Variants in FASN observed in about 807,000 individuals in gnomAD.
FASN encodes 3-hydroxyacyl-[acyl-carrier-protein] dehydratase.
FASN carries 50 observed loss-of-function variants against 250.0 expected under a neutral mutation model. The ratio of observed to expected loss-of-function variants is 0.20; its 90% CI spans 0.16 to 0.25. The LOEUF (loss-of-function observed/expected upper bound fraction) is 0.25. Among genes scored for constraint, FASN ranks in the 10% least tolerant of loss-of-function variants. The pLI is 1.00. For synonymous variants in FASN, 1,909 were observed against 1,584.0 expected, an observed-to-expected ratio of 1.21 and a Z score of -4.87; for missense variants, 3,031 against 3,498.5, an observed-to-expected ratio of 0.87 and a Z score of 3.37.
In FASN at chr17:82,087,379, T is replaced by C. The variant is rs141517558; in HGVS notation, c.3169A>G (p.Ile1057Val). 3.5e-5 allele frequency: 57 copies of C among 1,612,588 alleles called. No homozygotes were observed. Among genetic ancestry groups the C allele is most frequent in the Non-Finnish European group, 4.4e-5 (52 of 1,179,986 alleles). Residue 1057 changes from isoleucine (I) to valine (V), a missense_variant, in exon 20 of 43, where the codon ATC becomes GTC. Ile to Val is a conservative substitution (Grantham distance 29). Coordinates refer to ENST00000306749, the MANE Select transcript of FASN (RefSeq NM_004104.5). Reference sequence around the variant, plus strand: ...TTCTGCCTGTGGGTGGCAGGGTCGATGTGGATGGCGGTGACACGGGTGGGC... The same window carrying C: ...TTCTGCCTGTGGGTGGCAGGGTCGACGTGGATGGCGGTGACACGGGTGGGC... ...YLPTRVTAIHIDPATHRQKLY... is the reference protein window; with the variant it reads ...YLPTRVTAIHVDPATHRQKLY...
Position 82,092,466 on chromosome 17 carries a change from C to A in FASN, c.1018G>T (p.Ala340Ser), listed in dbSNP as rs1469173192. The A allele has an allele frequency of 1.9e-6, 3 of 1,576,050 alleles. No individual in the cohort carries two copies. Among genetic ancestry groups the A allele is most frequent in the Non-Finnish European group, 2.6e-6 (3 of 1,163,772 alleles). The change falls in exon 8 of 43, where the codon GCC (alanine) becomes TCC (serine). Residue 340 changes from alanine (A) to serine (S), a missense_variant. Coordinates refer to ENST00000306749, the MANE Select transcript of FASN (RefSeq NM_004104.5). ...CCAGCCCCACCTACCTTGGCCAGGG[C>A]TGCCAGCCCCGAGGCTGGCTCCGGG... Reference protein sequence around the residue: ...GHPEPASGLAALAKVLLSLEH... With the variant: ...GHPEPASGLASLAKVLLSLEH...
chr17:82,079,684 C>CA (rs2033953654), intron 41 of FASN, 76 bp from the exon 42 acceptor site: 8 of 1,230,924 alleles, frequency 6.5e-6, no homozygotes, highest in East Asian at 3.1e-5. Flanking sequence ...TGCGGGTGGG[C>CA]TTTTTTTTTT....
intron 31 of FASN, 25 bp downstream of exon 31, chr17:82,083,492 C>G: frequency 6.2e-7 from 1 of 1,612,772 alleles, no homozygotes; most frequent in Non-Finnish European, 8.5e-7. Flanking sequence ...CATGCCCACC[C>G]CCGCCCAGGC....
intron 40 of FASN, 45 bp downstream of exon 40, chr17:82,080,325 G>A (rs1390292453): frequency 9.9e-6 from 16 of 1,609,312 alleles, no homozygotes; most frequent in Non-Finnish European, 1.3e-5. Flanking sequence ...CAGGTGGGGA[G>A]CCCAGACGTT....
At position 82,096,448 on chromosome 17, in the gene FASN, C is replaced by CT; in HGVS notation, c.-4dup. On this transcript the variant is annotated 5_prime_UTR_variant, in exon 2 of 43. Coordinates refer to ENST00000306749, the MANE Select transcript of FASN (RefSeq NM_004104.5). The stretch of plus-strand genomic sequence containing the variant: ...CCGGCAATCACCACCTCCTCCATGG[C>CT]TGCTCTGCAGGGCGGGCGGTGTGAG... The CT allele has an allele frequency of 6.2e-7, 1 of 1,611,742 alleles. No homozygotes were observed. The highest frequency in any genetic ancestry group is 8.5e-7 in the Non-Finnish European group (1 of 1,179,974).
intron 10 of FASN, 143 bp downstream of exon 10, chr17:82,090,739 C>A: frequency 8.9e-7 from 1 of 1,119,260 alleles, no homozygotes. Flanking sequence ...CCCTCCTCCC[C>A]TCCCGTCCTG....
chr17:82,087,162 C>T lies in FASN; in HGVS notation c.3315G>A (p.Arg1105=). The T allele has an allele frequency of 6.2e-7, 1 of 1,610,120 alleles. No homozygotes were observed. Among genetic ancestry groups the T allele is most frequent in the Non-Finnish European group, 8.5e-7 (1 of 1,179,106 alleles). The part of the protein sequence containing the change: ...SGLHTESAPR[R]QQEQQVPILE... ...GGATGGGCACCTGCTGCTCCTGCTG[C>T]CGCCGCGGGGCCGACTCAGTGTGGA... Residue 1105 remains arginine (R), a synonymous_variant, in exon 21 of 43, where the codon CGG becomes CGA. Transcript: ENST00000306749.
chr17:82,095,735 G>A (rs570258047), intron 2 of FASN, among the ~76,000 whole-genome samples: 1 of 152,214 alleles, frequency 6.6e-6, no homozygotes, highest in Non-Finnish European at 1.5e-5. Context: ...AGCTCGGCGG[G>A]AGTGAGGCTG....
chr17:82,093,799 C>G, intron 3 of FASN, 28 bp from the exon 4 acceptor site: 1 of 1,610,270 alleles, frequency 6.2e-7, no homozygotes, highest in Non-Finnish European at 8.5e-7. Flanking sequence ...CAAGGTGCCA[C>G]GGCCGGGCCC....
At position 82,080,562 on chromosome 17, in the gene FASN, C is replaced by A; in HGVS notation, c.6855G>T (p.Leu2285=). 6.4e-7 allele frequency: 1 copy of A among 1,559,130 alleles called. No individual in the cohort carries two copies. ...TGATGCAGTCGATGTAGTAGGCAGC[C>A]AGGCTGTGGATGCTGTCAAGGGGCG... The part of the protein sequence containing the change: ...RAAPLDSIHS[L]AAYYIDCIRQ... The change falls in exon 40 of 43, where the codon CTG becomes CTT. Residue 2285 remains leucine (L), a synonymous_variant. Transcript: ENST00000306749.
chr17:82,089,083 G>A lies in FASN; in HGVS notation c.2190C>T (p.Ser730=), dbSNP rs1140611. 4 of 1,579,068 alleles carry A rather than the reference G, an allele frequency of 2.5e-6. No homozygotes were observed. The highest frequency in any genetic ancestry group is 3.4e-6 in the Non-Finnish European group (4 of 1,163,460). The part of the protein sequence containing the change: ...AQWHSSLART[S]SAEYNVNNLV... ...GGTTGTTGACATTGTACTCGGCGGA[G>A]GACGTGCGTGCCAGGCTGCTGTGCC... Residue 730 remains serine, a synonymous_variant, in exon 14 of 43, where the codon TCC becomes TCT. Coordinates refer to ENST00000306749, the MANE Select transcript of FASN (RefSeq NM_004104.5).
intron 8 of FASN, among the ~76,000 whole-genome samples, chr17:82,091,960 T>TA (rs1215815841): frequency 5.9e-5 from 9 of 152,140 alleles, no homozygotes; most frequent in African/African-American, 2.2e-4. Context: ...GCCTGAACAC[T>TA]AAGGCCCCCT....
intron 23 of FASN, 30 bp from the exon 24 acceptor site, chr17:82,085,432 G>A (rs533764541): frequency 8.1e-6 from 13 of 1,601,628 alleles, no homozygotes; most frequent in East Asian, 2.3e-5. Context: ...CACCCTGCCC[G>A]CCTGGCCCTC....
chr17:82,089,487 T>C (rs1490218164), intron 12 of FASN, 103 bp from the exon 13 acceptor site: 1 of 1,597,090 alleles, frequency 6.3e-7, no homozygotes. Flanking sequence ...CGAGAGGGAA[T>C]GGGCAAGGGA....
Position 82,087,374 on chromosome 17 carries a change from G to T in FASN, c.3174C>A (p.Asp1058Glu), listed in dbSNP as rs780024238. The T allele has an allele frequency of 2.5e-6, 4 of 1,612,642 alleles. No individual in the cohort carries two copies. In the East Asian group the frequency reaches 8.9e-5, roughly 36 times the overall value. Residue 1058 changes from aspartate (D) to glutamate (E), a missense_variant, in exon 20 of 43, where the codon GAC (aspartate) becomes GAA (glutamate). Asp to Glu is a conservative substitution (Grantham distance 45, BLOSUM62 2). Coordinates refer to ENST00000306749, the MANE Select transcript of FASN (RefSeq NM_004104.5). Reference protein sequence around the residue: ...LPTRVTAIHIDPATHRQKLYT... With the variant: ...LPTRVTAIHIEPATHRQKLYT... The stretch of plus-strand genomic sequence containing the variant: ...ACAGCTTCTGCCTGTGGGTGGCAGG[G>T]TCGATGTGGATGGCGGTGACACGGG...
chr17:82,093,561 G>A lies in FASN; in HGVS notation c.454+37C>T, dbSNP rs759162598. ...TCTGCTCAGCATGTGGGGACCTGAA[G>A]GCCACCCACCTCCGCAGGAGGCTGG... On this transcript the variant is annotated intron_variant, in intron 4 of 42. Transcript: ENST00000306749. The A allele has an allele frequency of 6.8e-6, 11 of 1,612,292 alleles. No homozygotes were observed. The South Asian group carries it at 7.7e-5, about 11-fold the overall frequency.
chr17:82,089,420 T>C, intron 12 of FASN, 36 bp from the exon 13 acceptor site: 1 of 1,612,630 alleles, frequency 6.2e-7, no homozygotes. Flanking sequence ...GCATCCTGGC[T>C]GGGCACCCAC....
chr17:82,083,659 A>G lies in FASN; in HGVS notation c.5219-20T>C, dbSNP rs1269778423. 1 of 1,604,538 alleles carries G rather than the reference A, an allele frequency of 6.2e-7. No individual in the cohort carries two copies. The highest frequency in any genetic ancestry group is 1.3e-5 in the African/African-American group (1 of 75,004). ...CAACGCCTAGGGGGCCAGAGGGGCC[A>G]GACAATCACACCCACTGCAAGCCCA... is the stretch of plus-strand genomic sequence containing the variant. On this transcript the variant is annotated intron_variant, in intron 30 of 42. Coordinates refer to ENST00000306749, the MANE Select transcript of FASN (RefSeq NM_004104.5).
At position 82,088,742 on chromosome 17, in the gene FASN, G is replaced by C. The variant is rs575889868; in HGVS notation, c.2420+19C>G. 1 of 1,602,500 alleles carries C rather than the reference G, an allele frequency of 6.2e-7. No individual in the cohort carries two copies. The highest frequency in any genetic ancestry group is 1.1e-5 in the South Asian group (1 of 90,788). On this transcript the variant is annotated intron_variant, in intron 15 of 42. Coordinates refer to ENST00000306749, the MANE Select transcript of FASN (RefSeq NM_004104.5). The stretch of plus-strand genomic sequence containing the variant: ...TCCCCGACTCCGGGAGACGAGACCC[G>C]GGCTGGGAAGGGACCCACCCTGAGA...
Sources: gnomAD v4.1 joint callset for allele counts (sites outside exome capture counted in the v4.1 genomes callset) on GRCh38, gnomAD v4.1.1 for gene constraint, MANE v1.5 for transcripts, NCBI Gene and HGNC (gene_info 2026-07-23, HGNC 2026-07-21) for gene names.